Variants in TRHDE observed in about 807,000 individuals in gnomAD.
The protein encoded by TRHDE is thyrotropin-releasing hormone-degrading ectoenzyme.
Under a neutral mutation model 125.7 loss-of-function variants are expected in TRHDE, and 72 were observed. That is an observed-to-expected ratio of 0.57 (90% CI 0.47 to 0.70). The LOEUF (loss-of-function observed/expected upper bound fraction) is 0.70. Ranked by LOEUF, TRHDE falls within the 30% of genes least tolerant of loss-of-function variation. The probability of loss-of-function intolerance (pLI) is 0.00; values close to 1 mark genes in which losing one functional copy is unlikely to be tolerated. For synonymous variants in TRHDE, 509 were observed against 509.1 expected (o/e 1.00, Z 0.00); for missense variants, 1,110 against 1,327.1 (o/e 0.84, Z 2.54).
intron 3 of TRHDE, among the ~76,000 whole-genome samples, chr12:72,379,148 G>T (rs189507066): frequency 1.4e-4 from 22 of 152,306 alleles, no homozygotes; most frequent in Admixed American, 2.6e-4. Context: ...GGAGAACCAG[G>T]CCGCTTTCAT....
intron 6 of TRHDE, among the ~76,000 whole-genome samples, chr12:72,514,938 T>A (rs1878772391): frequency 4.7e-5 from 7 of 150,244 alleles, no homozygotes; most frequent in Admixed American, 4.6e-4. Flanking sequence ...ATTTCCAATT[T>A]CATCCATGTC....
chr12:72,643,841 A>G (rs1384077901), intron 15 of TRHDE, among the ~76,000 whole-genome samples: 1 of 152,198 alleles, frequency 6.6e-6, no homozygotes, highest in East Asian at 1.9e-4. Context: ...ACATTTATCA[A>G]AGATGACTGA....
At position 72,653,119 on chromosome 12, in the gene TRHDE, A is replaced by G; in HGVS notation, c.2947A>G (p.Lys983Glu). 1.2e-6 allele frequency: 2 copies of G among 1,609,902 alleles called. No individual in the cohort carries two copies. Among genetic ancestry groups the G allele is most frequent in the Non-Finnish European group, 1.7e-6 (2 of 1,177,652 alleles). Reference sequence around the variant, plus strand: ...TCCACATGGTCGAGACCTTGCCTGGAAGTTTTTCAGGGATAAATGGAAGAT... The same window carrying G: ...TCCACATGGTCGAGACCTTGCCTGGGAGTTTTTCAGGGATAAATGGAAGAT... ...RNPHGRDLAW[K>E]FFRDKWKILN... Residue 983 changes from lysine (K) to glutamate (E), a missense_variant, in exon 17 of 19, where the codon AAG becomes GAG. This residue lies in a region of TRHDE where 527 missense variants were observed against 651.8 expected (regional missense o/e 0.81). Transcript: ENST00000261180.
chr12:72,318,789 T>G (rs996894682), intron 2 of TRHDE, among the ~76,000 whole-genome samples: 1 of 152,092 alleles, frequency 6.6e-6, no homozygotes, highest in South Asian at 2.1e-4. Context: ...TATGAAATAA[T>G]AAGTACTTAG....
intron 6 of TRHDE, among the ~76,000 whole-genome samples, chr12:72,540,189 C>T (rs1869074263): frequency 6.6e-6 from 1 of 151,544 alleles, no homozygotes; most frequent in Non-Finnish European, 1.5e-5. Context: ...AAAGAAAAGG[C>T]TAGTTAAACA....
chr12:72,148,452 C>G (rs1876278719), intron 2 of TRHDE, among the ~76,000 whole-genome samples: 1 of 152,068 alleles, frequency 6.6e-6, no homozygotes, highest in Non-Finnish European at 1.5e-5. Flanking sequence ...CATTTTGCAC[C>G]TCAATTTTTA....
intron 4 of TRHDE, among the ~76,000 whole-genome samples, chr12:72,471,411 T>C (rs927408352): frequency 1.3e-5 from 2 of 152,192 alleles, no homozygotes; most frequent in African/African-American, 4.8e-5. Flanking sequence ...AAGTTAGATA[T>C]ATAGTTCTGT....
chr12:72,614,980 C>A (rs1015795302), intron 12 of TRHDE, among the ~76,000 whole-genome samples: 2 of 151,924 alleles, frequency 1.3e-5, no homozygotes, highest in Admixed American at 1.3e-4. Context: ...TTATTTCAAG[C>A]TCTTATAAAT....
chr12:72,300,385 C>T (rs1880460935), intron 2 of TRHDE, among the ~76,000 whole-genome samples: 2 of 151,956 alleles, frequency 1.3e-5, no homozygotes, highest in African/African-American at 4.8e-5. Flanking sequence ...CACACACACA[C>T]ACACACACAC....
At chr12:72,365,159 T>C (rs1871290097) in intron 2 of TRHDE, among the ~76,000 whole-genome samples, 2 of 152,126 alleles carry the variant, frequency 1.3e-5, no homozygotes, top group African/African-American at 2.4e-5. Flanking sequence ...GTTGAATGTA[T>C]CTTCATTGAA....
chr12:72,410,925 G>A (rs1383594062), intron 3 of TRHDE, among the ~76,000 whole-genome samples: 1 of 151,904 alleles, frequency 6.6e-6, no homozygotes, highest in African/African-American at 2.4e-5. Flanking sequence ...GGGCCCGGTG[G>A]CTCACGCCTG....
intron 1 of TRHDE, among the ~76,000 whole-genome samples, chr12:72,278,624 A>G (rs542716061): frequency 2.6e-5 from 4 of 152,112 alleles, no homozygotes; most frequent in African/African-American, 9.6e-5. Context: ...TCTTTTGTCT[A>G]TTTGATAATA....
At chr12:72,293,409 G>A (rs1036935748) in intron 2 of TRHDE, among the ~76,000 whole-genome samples, 4 of 152,132 alleles carry the variant, frequency 2.6e-5, no homozygotes, top group Admixed American at 1.3e-4. Flanking sequence ...GTGTATCAAG[G>A]AACCCAGATT....
At chr12:72,282,326 A>G (rs10879391) in intron 1 of TRHDE, among the ~76,000 whole-genome samples, 84,478 of 151,960 alleles carry the variant, frequency 0.56, 26,995 homozygotes, top group East Asian at 0.8. Context: ...TCTGCTTACC[A>G]CCTCAAACTC....
chr12:72,599,142 A>G (rs749286441), intron 12 of TRHDE, among the ~76,000 whole-genome samples: 13 of 152,022 alleles, frequency 8.6e-5, no homozygotes, highest in Non-Finnish European at 1.8e-4. Flanking sequence ...GTGCACCTAC[A>G]TTGATTCTAT....
chr12:72,439,938 T>C (rs1408783717), intron 3 of TRHDE, among the ~76,000 whole-genome samples: 1 of 151,986 alleles, frequency 6.6e-6, no homozygotes, highest in African/African-American at 2.4e-5. Context: ...ATTCCTTCTA[T>C]ACCTAACTTG....
At chr12:72,144,845 C>A (rs1274783150) in intron 2 of TRHDE, among the ~76,000 whole-genome samples, 3 of 152,122 alleles carry the variant, frequency 2.0e-5, no homozygotes, top group Non-Finnish European at 4.4e-5. Flanking sequence ...CTCAGCTTGC[C>A]CCTCTTGGTA....
intron 2 of TRHDE, among the ~76,000 whole-genome samples, chr12:72,241,166 G>A (rs528649505): frequency 8.5e-5 from 13 of 152,264 alleles, no homozygotes; most frequent in African/African-American, 3.1e-4. Context: ...ACTTAAAACA[G>A]TTAACATACA....
intron 12 of TRHDE, among the ~76,000 whole-genome samples, chr12:72,605,461 T>A (rs1259846367): frequency 6.6e-6 from 1 of 152,148 alleles, no homozygotes; most frequent in African/African-American, 2.4e-5. Context: ...AAATCTAATA[T>A]TCCTGCTTCC....
Sources: gnomAD v4.1 joint callset for allele counts (sites outside exome capture counted in the v4.1 genomes callset) on GRCh38, gnomAD v4.1.1 for gene constraint, gnomAD v4.1.1 regional missense constraint, MANE v1.5 for transcripts, NCBI Gene and HGNC (gene_info 2026-07-23, HGNC 2026-07-21) for gene names.